The following LARP4B variants were observed in gnomAD, a reference collection of about 807,000 sequenced individuals.
LARP4B encodes La ribonucleoprotein 4B.
LARP4B carries 12 observed loss-of-function variants against 89.8 expected under a neutral mutation model. The ratio of observed to expected loss-of-function variants is 0.13; its 90% CI spans 0.09 to 0.22. LARP4B has a LOEUF of 0.22. Among genes scored for constraint, LARP4B ranks in the 10% least tolerant of loss-of-function variants. The pLI is 1.00. For missense variants in LARP4B, 757 were observed against 947.7 expected (o/e 0.80, Z 2.64); for synonymous variants, 367 against 363.3 (o/e 1.01, Z -0.12).
At chr10:886,570 G>A (rs1004373390) in intron 1 of LARP4B, among the ~76,000 whole-genome samples, 2 of 152,110 alleles carry the variant, frequency 1.3e-5, no homozygotes, top group Admixed American at 6.5e-5. Flanking sequence ...ATGGACAAAC[G>A]GATATAGAAA....
intron 3 of LARP4B, among the ~76,000 whole-genome samples, chr10:882,588 C>T (rs1413659357): frequency 2.6e-5 from 4 of 152,056 alleles, no homozygotes; most frequent in Non-Finnish European, 4.4e-5. Flanking sequence ...GGGGTTTCAC[C>T]GTGTTAGCCA....
chr10:919,805 T>C (rs1052456016), intron 1 of LARP4B, among the ~76,000 whole-genome samples: 7 of 152,236 alleles, frequency 4.6e-5, no homozygotes, highest in Admixed American at 2.6e-4. Flanking sequence ...CAACTCTCCC[T>C]GAATGCTTTA....
chr10:962,114 G>A, the LARP4B span, among the ~76,000 whole-genome samples: 4 of 152,036 alleles, frequency 2.6e-5, no homozygotes, highest in East Asian at 3.9e-4. Flanking sequence ...CCAACGTGGC[G>A]AAACCCCATC....
intron 8 of LARP4B, among the ~76,000 whole-genome samples, chr10:835,391 G>A (rs1424174334): frequency 1.3e-5 from 2 of 152,178 alleles, no homozygotes; most frequent in African/African-American, 4.8e-5. Flanking sequence ...TGTGGAAAGA[G>A]GTAGCATGAA....
At chr10:818,888 G>A (rs913840158) in intron 14 of LARP4B, 2 of 152,222 alleles carry the variant, frequency 1.3e-5, no homozygotes, top group African/African-American at 4.8e-5. Flanking sequence ...GTAGATTCTA[G>A]AGAAAATATG....
Position 864,282 on chromosome 10 carries a change from T to C in LARP4B, c.142-12A>G, listed in dbSNP as rs1239515017. 2 of 1,613,846 alleles carry C rather than the reference T, an allele frequency of 1.2e-6. No individual in the cohort carries two copies. Among genetic ancestry groups the C allele is most frequent in the Admixed American group, 1.7e-5 (1 of 59,998 alleles). On this transcript the variant is annotated splice_polypyrimidine_tract_variant and intron_variant, in intron 3 of 17. Transcript: ENST00000316157. ...TTAGTTGCTGGTACCTAGGAAGAAA[T>C]GTAAGATAGACATTTGTATCCAAAT... is the stretch of plus-strand genomic sequence containing the variant.
At chr10:937,177 G>A in the LARP4B span, among the ~76,000 whole-genome samples, 6 of 152,182 alleles carry the variant, frequency 3.9e-5, no homozygotes, top group African/African-American at 1.4e-4. Flanking sequence ...CAAGTAGCTA[G>A]GACTACAGGC....
chr10:948,978 T>C, the LARP4B span, among the ~76,000 whole-genome samples: 196 of 152,382 alleles, frequency 1.3e-3, 1 homozygote, highest in African/African-American at 4.5e-3. Flanking sequence ...CCAGTTGTCA[T>C]GTGAACGTCA....
At chr10:872,681 T>C (rs775278386) in intron 3 of LARP4B, among the ~76,000 whole-genome samples, 45 of 152,178 alleles carry the variant, frequency 3.0e-4, no homozygotes, top group Non-Finnish European at 5.4e-4. Context: ...AAAGGCTTCC[T>C]CCTGCAGGCC....
the LARP4B span, among the ~76,000 whole-genome samples, chr10:945,470 A>T: frequency 1.3e-5 from 2 of 152,046 alleles, no homozygotes; most frequent in East Asian, 3.9e-4. Flanking sequence ...GTGGATCACA[A>T]GGTCAGGAGA....
chr10:862,253 AGTT>A (rs1834650001), intron 5 of LARP4B, among the ~76,000 whole-genome samples: 1 of 128,164 alleles, frequency 7.8e-6, no homozygotes, highest in African/African-American at 3.1e-5. Flanking sequence ...GCTCCACTGA[AGTT>A]AAAAAAAAAA....
chr10:816,739 C>T (rs1832081728), intron 15 of LARP4B, among the ~76,000 whole-genome samples: 1 of 152,198 alleles, frequency 6.6e-6, no homozygotes, highest in African/African-American at 2.4e-5. Context: ...CTGGAATGTA[C>T]TCAATCTCCA....
intron 11 of LARP4B, among the ~76,000 whole-genome samples, chr10:828,183 C>A (rs1472843103): frequency 6.6e-6 from 1 of 152,188 alleles, no homozygotes; most frequent in Non-Finnish European, 1.5e-5. Flanking sequence ...ACTGCCAGCT[C>A]GTTCCCCAAC....
chr10:936,174 A>G (rs535424133), upstream of LARP4B, among the ~76,000 whole-genome samples: 29 of 152,240 alleles, frequency 1.9e-4, no homozygotes, highest in African/African-American at 7.0e-4. Context: ...CTGAGTACCT[A>G]CGCGGTCTCA....
In LARP4B at chr10:843,230, G is replaced by C. The variant is rs562598036; in HGVS notation, c.510-162C>G. On this transcript the variant is annotated intron_variant, in intron 6 of 17. Coordinates refer to ENST00000316157, the MANE Select transcript of LARP4B (RefSeq NM_015155.3). ...GTTATTTGCTGTCTCTCCAGCCTCA[G>C]GTACATTTTTGCAAAATCTCGGCCT... is the stretch of plus-strand genomic sequence containing the variant. Among the ~76,000 whole-genome samples the C allele has an allele frequency of 8.5e-5, 13 of 152,312 alleles. No homozygotes were observed. The South Asian group carries it at 2.1e-3, about 24-fold the overall frequency.
At position 860,219 on chromosome 10, in the gene LARP4B, T is replaced by A. The variant is rs991241375; in HGVS notation, c.430+3524A>T. On this transcript the variant is annotated intron_variant, in intron 5 of 17. Transcript: ENST00000316157. ...GCTCTAAAAAAAACAGTCTTTTTTT[T>A]AAAAAGGATGTTTGATAGCATTAGT... is the stretch of plus-strand genomic sequence containing the variant. Among the ~76,000 whole-genome samples the A allele has an allele frequency of 3.3e-5, 5 of 152,206 alleles. No homozygotes were observed. The East Asian group carries it at 5.8e-4, about 18-fold the overall frequency.
At chr10:911,564 T>C (rs1326300964) in intron 1 of LARP4B, among the ~76,000 whole-genome samples, 1 of 152,202 alleles carries the variant, frequency 6.6e-6, no homozygotes, top group African/African-American at 2.4e-5. Flanking sequence ...CTTGTTCTGT[T>C]TCCTTCCACA....
intron 3 of LARP4B, among the ~76,000 whole-genome samples, chr10:874,958 C>G (rs1835398340): frequency 6.6e-6 from 1 of 152,108 alleles, no homozygotes; most frequent in South Asian, 2.1e-4. Context: ...CCTTAACAAC[C>G]CCCAAGGTAG....
intron 1 of LARP4B, among the ~76,000 whole-genome samples, chr10:898,621 T>G (rs1225228449): frequency 6.6e-6 from 1 of 152,242 alleles, no homozygotes; most frequent in African/African-American, 2.4e-5. Context: ...AAAGAGGCAT[T>G]TCCTAAACAG....
Sources: allele counts gnomAD v4.1 joint callset (sites outside exome capture counted in the v4.1 genomes callset), GRCh38; gene constraint gnomAD v4.1.1; transcripts MANE v1.5; gene names NCBI Gene and HGNC (gene_info 2026-07-23, HGNC 2026-07-21).